LINGO2: variants seen among roughly 807,000 people sequenced by gnomAD.
The protein encoded by LINGO2 is leucine rich repeat and Ig domain containing 2.
In LINGO2, 14 loss-of-function variants were observed where a neutral mutation model predicts 30.6. The ratio of observed to expected loss-of-function variants is 0.46; its 90% CI spans 0.30 to 0.72. The LOEUF is 0.72. Ranked by LOEUF, LINGO2 falls within the 30% of genes least tolerant of loss-of-function variation. The probability of loss-of-function intolerance (pLI) is 0.07; values close to 1 mark genes in which losing one functional copy is unlikely to be tolerated. For missense variants in LINGO2, 729 were observed against 751.7 expected (o/e 0.97, Z 0.35); for synonymous variants, 317 against 288.5 (o/e 1.10, Z -1.00).
chr9:28,408,792 A>G (rs988637887), intron 2 of LINGO2, among the ~76,000 whole-genome samples: 2 of 151,638 alleles, frequency 1.3e-5, no homozygotes, highest in African/African-American at 4.8e-5. Context: ...AAAAAACAAA[A>G]AAAAACAAAT....
intron 2 of LINGO2, among the ~76,000 whole-genome samples, chr9:28,445,630 C>A (rs1330299141): frequency 6.6e-6 from 1 of 152,086 alleles, no homozygotes; most frequent in Non-Finnish European, 1.5e-5. Flanking sequence ...TGTCCATATG[C>A]AATTACACTT....
At chr9:28,407,083 C>T (rs1390812342) in intron 2 of LINGO2, among the ~76,000 whole-genome samples, 1 of 151,634 alleles carries the variant, frequency 6.6e-6, no homozygotes, top group African/African-American at 2.4e-5. Flanking sequence ...ATGTATATCC[C>T]TATATATAGA....
In LINGO2 at chr9:28,433,923, T is replaced by TTC. The variant is rs146254758; in HGVS notation, c.-279+42015_-279+42016dup. ...TGGATAAAGAAAATGTGCTCTCTCT[T>TTC]TCTCTCTCTCTCTCTCTCTCTCTCT... On this transcript the variant is annotated intron_variant, in intron 2 of 5. Coordinates refer to ENST00000379992, the Ensembl canonical transcript of LINGO2. Among the ~76,000 whole-genome samples, 811 of 109,948 alleles carry TTC rather than the reference T, an allele frequency of 7.4e-3. 14 individuals are homozygous for TTC. The highest frequency in any genetic ancestry group is 0.01 in the Non-Finnish European group (517 of 49,982). The allele number at this position is 109,948 out of a possible 152,430, so 72.1% of individuals were successfully genotyped here. A position where few individuals can be genotyped will look rare whatever the true frequency, so the allele number is the denominator to read the frequency against.
chr9:28,340,824 AT>A (rs1007206333), intron 3 of LINGO2, among the ~76,000 whole-genome samples: 12 of 152,224 alleles, frequency 7.9e-5, no homozygotes, highest in Non-Finnish European at 8.8e-5. Context: ...AAAACTTGTT[AT>A]TAGGTTACTC....
intron 1 of LINGO2, among the ~76,000 whole-genome samples, chr9:28,619,617 T>C (rs2135818774): frequency 6.6e-6 from 1 of 152,260 alleles, no homozygotes; most frequent in South Asian, 2.1e-4. Flanking sequence ...TGTTCTTGTG[T>C]TAATATGTGA....
At chr9:28,196,315 T>TA (rs1820011070) in intron 4 of LINGO2, among the ~76,000 whole-genome samples, 2 of 151,816 alleles carry the variant, frequency 1.3e-5, no homozygotes, top group South Asian at 4.2e-4. Flanking sequence ...ATAATGTAAT[T>TA]ATCAGAATTT....
chr9:28,212,560 G>A (rs1820628206), intron 4 of LINGO2, among the ~76,000 whole-genome samples: 1 of 151,124 alleles, frequency 6.6e-6, no homozygotes, highest in South Asian at 2.1e-4. Flanking sequence ...AAAGATTCTT[G>A]TCTATATACA....
intron 2 of LINGO2, among the ~76,000 whole-genome samples, chr9:28,376,893 CA>C (rs942884431): frequency 3.3e-5 from 5 of 152,230 alleles, no homozygotes; most frequent in South Asian, 4.1e-4. Context: ...ATTTTCAGAA[CA>C]TTTTTGTGTA....
chr9:28,248,625 T>C (rs1010015252), intron 4 of LINGO2, among the ~76,000 whole-genome samples: 2 of 152,192 alleles, frequency 1.3e-5, no homozygotes, highest in African/African-American at 4.8e-5. Context: ...ATAATTGGAT[T>C]GTTTGTAACA....
rs145347485 is a variant in LINGO2, at chr9:28,432,108, C to T, written c.-279+43832G>A. Among the ~76,000 whole-genome samples the T allele has an allele frequency of 7.2e-4, 109 of 152,090 alleles. 1 individual carries two copies. In the East Asian group the frequency reaches 0.019, roughly 27 times the overall value. On this transcript the variant is annotated intron_variant, in intron 2 of 5. Coordinates refer to ENST00000379992, the Ensembl canonical transcript of LINGO2. ...TCTATAAAAGCACTGTAGGGTCATACGAAAAGAGTGATTAGCTCTGCCTGG... is the reference window on the plus strand; with the variant it reads ...TCTATAAAAGCACTGTAGGGTCATATGAAAAGAGTGATTAGCTCTGCCTGG...
intron 4 of LINGO2, among the ~76,000 whole-genome samples, chr9:28,218,084 G>A (rs1208301220): frequency 3.3e-5 from 5 of 149,766 alleles, no homozygotes; most frequent in Admixed American, 6.7e-5. Flanking sequence ...TTGAAGACTA[G>A]GGTCTGGATT....
chr9:28,051,340 A>G (rs558184785), intron 4 of LINGO2, among the ~76,000 whole-genome samples: 22 of 152,186 alleles, frequency 1.4e-4, no homozygotes, highest in Non-Finnish European at 2.1e-4. Context: ...TCTTTCCAAA[A>G]ATTTAACAGC....
chr9:28,199,347 T>TTC (rs1820136591), intron 4 of LINGO2, among the ~76,000 whole-genome samples: 3 of 96,598 alleles, frequency 3.1e-5, no homozygotes, highest in African/African-American at 7.4e-5. Context: ...TCTTCTTCTT[T>TTC]TTTTTTTTTT....
At chr9:29,001,706 T>G in the LINGO2 span, among the ~76,000 whole-genome samples, 1 of 151,972 alleles carries the variant, frequency 6.6e-6, no homozygotes, top group Non-Finnish European at 1.5e-5. Context: ...TATTCATGAG[T>G]CTCACCTAAG....
intron 4 of LINGO2, among the ~76,000 whole-genome samples, chr9:28,057,829 T>G (rs1348374647): frequency 6.6e-6 from 1 of 151,972 alleles, no homozygotes; most frequent in Non-Finnish European, 1.5e-5. Context: ...CTTCACCTAC[T>G]TCTGTGTGTA....
At chr9:28,263,448 C>T (rs1249707031) in intron 4 of LINGO2, among the ~76,000 whole-genome samples, 6 of 151,914 alleles carry the variant, frequency 3.9e-5, no homozygotes, top group Non-Finnish European at 7.4e-5. Flanking sequence ...TTATGCAGGA[C>T]GTGTACATGA....
chr9:29,084,878 C>T, the LINGO2 span, among the ~76,000 whole-genome samples: 2 of 151,918 alleles, frequency 1.3e-5, no homozygotes, highest in Non-Finnish European at 2.9e-5. Context: ...GTACCTGCTC[C>T]ATAGGAAGCA....
At chr9:29,055,089 G>A in the LINGO2 span, among the ~76,000 whole-genome samples, 1 of 151,790 alleles carries the variant, frequency 6.6e-6, no homozygotes, top group African/African-American at 2.4e-5. Context: ...CGTGGTGGCG[G>A]GCACCTGTAG....
intron 4 of LINGO2, among the ~76,000 whole-genome samples, chr9:28,241,228 C>T (rs1821774061): frequency 7.6e-6 from 1 of 131,422 alleles, no homozygotes; most frequent in Admixed American, 8.9e-5. Flanking sequence ...GAGATCGTGC[C>T]ACTGCACTCC....
Sources: allele counts gnomAD v4.1 joint callset (sites outside exome capture counted in the v4.1 genomes callset), GRCh38; gene constraint gnomAD v4.1.1; transcripts MANE v1.5; gene names NCBI Gene and HGNC (gene_info 2026-07-23, HGNC 2026-07-21).